KCNT2: variants seen among roughly 807,000 people sequenced by gnomAD.
The protein encoded by KCNT2 is potassium sodium-activated channel subfamily T member 2.
A neutral mutation model predicts 153.8 loss-of-function variants in KCNT2; 67 were observed. That is an observed-to-expected ratio of 0.44 (90% confidence interval 0.36 to 0.53). KCNT2 has a LOEUF of 0.53. Among genes scored for constraint, KCNT2 ranks in the 20% least tolerant of loss-of-function variants. The probability of loss-of-function intolerance (pLI) is 0.00; values close to 1 mark genes in which losing one functional copy is unlikely to be tolerated. For missense variants in KCNT2, 975 were observed against 1,354.8 expected (o/e 0.72, Z 4.40); for synonymous variants, 500 against 458.8 (o/e 1.09, Z -1.15).
At chr1:196,257,294 C>A in intron 26 of KCNT2, 1 of 983,096 alleles carries the variant, frequency 1.0e-6, no homozygotes, top group Non-Finnish European at 1.2e-6. Context: ...GAAACAGAGG[C>A]AACTTCTCTT....
intron 14 of KCNT2, among the ~76,000 whole-genome samples, chr1:196,357,409 G>C (rs1667261384): frequency 6.6e-6 from 1 of 151,814 alleles, no homozygotes; most frequent in Admixed American, 6.6e-5. Flanking sequence ...GGAGTTTATG[G>C]TTTTGTTTTC....
chr1:196,246,067 C>A (rs1257526039), intron 26 of KCNT2, among the ~76,000 whole-genome samples: 5 of 151,940 alleles, frequency 3.3e-5, no homozygotes, highest in South Asian at 4.1e-4. Flanking sequence ...TGCAAAAGAT[C>A]GAGAATAAAG....
At chr1:196,523,141 A>G (rs1351258231) in intron 1 of KCNT2, among the ~76,000 whole-genome samples, 2 of 152,208 alleles carry the variant, frequency 1.3e-5, no homozygotes, top group African/African-American at 4.8e-5. Flanking sequence ...ACCAGGAGGA[A>G]CAAACAACTC....
chr1:196,447,758 A>C (rs1460698653), intron 8 of KCNT2, among the ~76,000 whole-genome samples: 3 of 151,216 alleles, frequency 2.0e-5, no homozygotes, highest in Admixed American at 1.3e-4. Context: ...GAGAAGATAG[A>C]CGAAAAAAGT....
At chr1:196,230,200 C>T (rs1653826779) in intron 27 of KCNT2, among the ~76,000 whole-genome samples, 1 of 151,934 alleles carries the variant, frequency 6.6e-6, no homozygotes. Context: ...GGGGCTAATG[C>T]ATTCGGTGAC....
chr1:196,403,331 A>G (rs1374673722), intron 12 of KCNT2, among the ~76,000 whole-genome samples: 1 of 151,712 alleles, frequency 6.6e-6, no homozygotes, highest in Non-Finnish European at 1.5e-5. Context: ...TTACAACTAT[A>G]TGTCATTGTA....
chr1:196,258,488 T>G lies in KCNT2; in HGVS notation c.2917A>C (p.Ile973Leu), dbSNP rs1211706924. The change falls in exon 26 of 28, where the codon ATA (isoleucine) becomes CTA (leucine). Residue 973 changes from isoleucine (I) to leucine (L), a missense_variant. Physicochemically the swap from Ile to Leu is conservative, Grantham distance 5. Transcript: ENST00000294725. ...TCCCACTCTTCTACACTGATAGATA[T>G]TTGAGACTTTAAAGGAAATAGATAT... The part of the protein sequence containing the change: ...SQKLTTSESQ[I>L]SISVEEWEDT... 6.4e-7 allele frequency: 1 copy of G among 1,551,580 alleles called. No homozygotes were observed. The highest frequency in any genetic ancestry group is 8.8e-7 in the Non-Finnish European group (1 of 1,131,648).
chr1:196,285,603 A>T, intron 23 of KCNT2, 54 bp downstream of exon 23: 1 of 1,121,024 alleles, frequency 8.9e-7, no homozygotes, highest in South Asian at 1.4e-5. Context: ...ATTTAAATAA[A>T]ATCTAAAACA....
At chr1:196,495,493 C>T (rs1235346612) in intron 1 of KCNT2, among the ~76,000 whole-genome samples, 1 of 151,894 alleles carries the variant, frequency 6.6e-6, no homozygotes, top group Non-Finnish European at 1.5e-5. Context: ...CCCTCCATTC[C>T]TTCCTCCCTC....
intron 5 of KCNT2, among the ~76,000 whole-genome samples, chr1:196,470,466 A>G (rs185680664): frequency 2.6e-5 from 4 of 152,290 alleles, no homozygotes; most frequent in Admixed American, 2.6e-4. Flanking sequence ...GTGTAGCTGA[A>G]GGTGAAATGG....
At chr1:196,511,828 T>A (rs1038052707) in intron 1 of KCNT2, among the ~76,000 whole-genome samples, 13 of 152,148 alleles carry the variant, frequency 8.5e-5, no homozygotes, top group Admixed American at 6.5e-5. Context: ...CATATTAACA[T>A]AATCACCTCT....
At chr1:196,357,380 C>T (rs1456111662) in intron 14 of KCNT2, among the ~76,000 whole-genome samples, 1 of 151,952 alleles carries the variant, frequency 6.6e-6, no homozygotes, top group East Asian at 1.9e-4. Flanking sequence ...TTTGCTTTAT[C>T]ATAAACTCTT....
At chr1:196,353,243 T>G (rs1406535649) in intron 14 of KCNT2, among the ~76,000 whole-genome samples, 1 of 151,934 alleles carries the variant, frequency 6.6e-6, no homozygotes, top group African/African-American at 2.4e-5. Context: ...GAGATATTAG[T>G]TCCTACTGCA....
chr1:196,586,071 G>A (rs961636187), intron 1 of KCNT2, among the ~76,000 whole-genome samples: 15 of 151,838 alleles, frequency 9.9e-5, no homozygotes, highest in East Asian at 5.8e-4. Context: ...ACCAGCCTGC[G>A]CAACATGGCA....
At chr1:196,399,522 G>A (rs1301278657) in intron 12 of KCNT2, among the ~76,000 whole-genome samples, 1 of 151,750 alleles carries the variant, frequency 6.6e-6, no homozygotes, top group African/African-American at 2.4e-5. Context: ...ATATTAGAAA[G>A]TGGAGGTATA....
intron 5 of KCNT2, among the ~76,000 whole-genome samples, chr1:196,474,804 A>T (rs942133683): frequency 6.6e-6 from 1 of 152,180 alleles, no homozygotes. Flanking sequence ...GTGTTGGGTG[A>T]TTACCATGTT....
intron 17 of KCNT2, among the ~76,000 whole-genome samples, chr1:196,333,518 A>G (rs779631205): frequency 2.6e-5 from 4 of 152,138 alleles, no homozygotes; most frequent in Non-Finnish European, 5.9e-5. Context: ...AAAGTACAAT[A>G]TACTATAAAA....
At chr1:196,542,379 A>G (rs1656497427) in intron 1 of KCNT2, among the ~76,000 whole-genome samples, 1 of 152,192 alleles carries the variant, frequency 6.6e-6, no homozygotes, top group African/African-American at 2.4e-5. Context: ...ACAAAACGTC[A>G]GAGTGTATTA....
intron 26 of KCNT2, among the ~76,000 whole-genome samples, chr1:196,248,418 G>T (rs1006914774): frequency 6.6e-5 from 10 of 151,892 alleles, no homozygotes; most frequent in African/African-American, 2.4e-4. Flanking sequence ...AAGAAAAAAA[G>T]AGGAAACACC....
Sources: gnomAD v4.1 joint callset for allele counts (sites outside exome capture counted in the v4.1 genomes callset) on GRCh38, gnomAD v4.1.1 for gene constraint, MANE v1.5 for transcripts, NCBI Gene and HGNC (gene_info 2026-07-23, HGNC 2026-07-21) for gene names.